FAM240A: variants seen among roughly 807,000 people sequenced by gnomAD.
FAM240A encodes the protein protein FAM240A.
Under a neutral mutation model 7.3 loss-of-function variants are expected in FAM240A, and 8 were observed. The observed-to-expected ratio is 1.09, with a 90% CI of 0.64 to 1.97. The LOEUF (loss-of-function observed/expected upper bound fraction) is 1.97, where lower values mean the gene tolerates loss of function less well. FAM240A is among the 30% of genes most tolerant of loss of function. The probability of loss-of-function intolerance (pLI) is 0.00; values close to 1 mark genes in which losing one functional copy is unlikely to be tolerated. For missense variants in FAM240A, 90 were observed against 102.2 expected (o/e 0.88, Z 0.52); for synonymous variants, 32 against 35.9 (o/e 0.89, Z 0.38).
At chr3:46,624,289 T>TTTTTTTTA (rs55757043) in intron 2 of FAM240A, among the ~76,000 whole-genome samples, 2 of 99,998 alleles carry the variant, frequency 2.0e-5, no homozygotes, top group African/African-American at 7.3e-5. Context: ...TTTTTTTTTT[T>TTTTTTTTA]GAGACAGAGT....
At chr3:46,621,577 T>C (rs1697695396) in intron 2 of FAM240A, among the ~76,000 whole-genome samples, 1 of 152,092 alleles carries the variant, frequency 6.6e-6, no homozygotes, top group Non-Finnish European at 1.5e-5. Context: ...CTGGGCAATA[T>C]AGCAAAACTC....
Position 46,612,698 on chromosome 3 carries a change from TGTAA to T in FAM240A, c.15+3_15+6del, listed in dbSNP as rs1262991178. The T allele has an allele frequency of 5.2e-6, 8 of 1,534,958 alleles. No homozygotes were observed. The highest frequency in any genetic ancestry group is 2.7e-5 in the African/African-American group (2 of 73,040). The stretch of plus-strand genomic sequence containing the variant: ...CACATCCCTTCATGCGGTTGTTCTC[TGTAA>T]GTGTTAATTAATTTGTTGATTTTGT... On this transcript the variant is annotated splice_donor_variant and splice_donor_region_variant and intron_variant, in intron 1 of 2. Coordinates refer to ENST00000640551, the MANE Select transcript of FAM240A (RefSeq NM_001195442.2). LOFTEE classifies it high-confidence loss of function.
intron 1 of FAM240A, 65 bp from the exon 2 acceptor site, chr3:46,617,118 A>G: frequency 5.8e-6 from 6 of 1,042,434 alleles, no homozygotes; most frequent in Non-Finnish European, 8.2e-6. Context: ...TTCCCTGATG[A>G]TGAGTGATGT....
intron 1 of FAM240A, among the ~76,000 whole-genome samples, chr3:46,615,935 A>T (rs1344276318): frequency 6.6e-6 from 1 of 152,162 alleles, no homozygotes; most frequent in African/African-American, 2.4e-5. Context: ...CCCTTTAGTA[A>T]AGGGCCTGGA....
chr3:46,618,951 G>T (rs911264502), intron 2 of FAM240A, among the ~76,000 whole-genome samples: 3 of 147,444 alleles, frequency 2.0e-5, no homozygotes, highest in Non-Finnish European at 3.0e-5. Context: ...TATAATAAAA[G>T]AATGCAAGAA....
chr3:46,622,191 C>T (rs1030935770), intron 2 of FAM240A, among the ~76,000 whole-genome samples: 2 of 149,456 alleles, frequency 1.3e-5, no homozygotes, highest in Admixed American at 6.7e-5. Context: ...CTGCAAGCTC[C>T]ATCTCCCAGG....
At position 46,625,785 on chromosome 3, in the gene FAM240A, T is replaced by C. The variant is rs1353381154; in HGVS notation, c.*567T>C. On this transcript the variant is annotated 3_prime_UTR_variant, in exon 3 of 3. Coordinates refer to ENST00000640551, the MANE Select transcript of FAM240A (RefSeq NM_001195442.2). The stretch of plus-strand genomic sequence containing the variant: ...TTTAATTAGCTTTTTCAAAAGTATG[T>C]TTACCAAGAATAATATCAGAATAAT... The C allele has an allele frequency of 1.3e-5, 2 of 152,228 alleles. No individual in the cohort carries two copies. The highest frequency in any genetic ancestry group is 2.9e-5 in the Non-Finnish European group (2 of 68,040). The allele number at this position is 152,228 out of a possible 1,614,324, so 9.4% of individuals were successfully genotyped here.
In FAM240A at chr3:46,626,361, G is replaced by A. The variant is rs977323073; in HGVS notation, c.*1143G>A. The A allele has an allele frequency of 6.6e-6, 1 of 152,228 alleles. No individual in the cohort carries two copies. The highest frequency in any genetic ancestry group is 1.5e-5 in the Non-Finnish European group (1 of 68,062). The allele number at this position is 152,228 out of a possible 1,614,324, so 9.4% of individuals were successfully genotyped here. A position where few individuals can be genotyped will look rare whatever the true frequency, so the allele number is the denominator to read the frequency against. On this transcript the variant is annotated 3_prime_UTR_variant, in exon 3 of 3. Transcript: ENST00000640551. ...CCCCCAGCCATCCTTTGGAACATAG[G>A]TTGTACAGGGGATCAAAGCCTTCTG...
chr3:46,617,061 G>A lies in FAM240A; in HGVS notation c.16-122G>A, dbSNP rs1033231440. On this transcript the variant is annotated intron_variant, in intron 1 of 2. Transcript: ENST00000640551. ...TTAAACAGTCAAATTGGAGTAAGGT[G>A]GATTGGAGTAAGATGGTAGGTATCT... The A allele has an allele frequency of 1.5e-5, 10 of 647,386 alleles. No homozygotes were observed. The East Asian group carries it at 2.9e-4, about 19-fold the overall frequency. 40.1% of individuals were successfully genotyped at this position (647,386 alleles called of 1,614,324 possible). A position where few individuals can be genotyped will look rare whatever the true frequency, so the allele number is the denominator to read the frequency against.
At chr3:46,622,106 CTTTTTTTTTTT>C (rs1171256555) in intron 2 of FAM240A, among the ~76,000 whole-genome samples, 3 of 79,664 alleles carry the variant, frequency 3.8e-5, no homozygotes, top group East Asian at 6.1e-4. Flanking sequence ...AGAAAATTTT[CTTTTTTTTTTT>C]TTTTTTTTTT....
chr3:46,617,852 TC>T (rs1474208280), intron 2 of FAM240A, among the ~76,000 whole-genome samples: 1 of 152,280 alleles, frequency 6.6e-6, no homozygotes, highest in Admixed American at 6.5e-5. Context: ...AGGCGGGGTC[TC>T]CCCTTGTGTG....
At chr3:46,616,071 A>G (rs1697626365) in intron 1 of FAM240A, among the ~76,000 whole-genome samples, 1 of 152,256 alleles carries the variant, frequency 6.6e-6, no homozygotes, top group Non-Finnish European at 1.5e-5. Flanking sequence ...TTCCTGGTGC[A>G]TGTTCCTGCT....
At chr3:46,617,386 A>G in intron 2 of FAM240A, 58 bp downstream of exon 2, 1 of 1,413,474 alleles carries the variant, frequency 7.1e-7, no homozygotes, top group Non-Finnish European at 9.3e-7. Flanking sequence ...TACATCGTAT[A>G]ATTTAGAACA....
At chr3:46,620,093 C>T (rs146237271) in intron 2 of FAM240A, among the ~76,000 whole-genome samples, 27 of 152,064 alleles carry the variant, frequency 1.8e-4, no homozygotes, top group Admixed American at 3.3e-4. Flanking sequence ...CTTTGATCCC[C>T]ACCCCCATCA....
rs1219672652 is a variant in FAM240A, at chr3:46,617,171, T to G, written c.16-12T>G. On this transcript the variant is annotated splice_polypyrimidine_tract_variant and intron_variant, in intron 1 of 2. Coordinates refer to ENST00000640551, the MANE Select transcript of FAM240A (RefSeq NM_001195442.2). ...GTTTTTTGGTTATTTGTATGGCTAT[T>G]TTCCTTTTTAGGGGATGAACAATCA... is the stretch of plus-strand genomic sequence containing the variant. The G allele has an allele frequency of 1.1e-5, 17 of 1,511,440 alleles. No individual in the cohort carries two copies. The highest frequency in any genetic ancestry group is 4.3e-5 in the Admixed American group (2 of 46,042). 93.6% of individuals were successfully genotyped at this position (1,511,440 alleles called of 1,614,324 possible). A position where few individuals can be genotyped will look rare whatever the true frequency, so the allele number is the denominator to read the frequency against.
intron 2 of FAM240A, among the ~76,000 whole-genome samples, chr3:46,622,150 T>C (rs947873943): frequency 2.7e-5 from 4 of 146,828 alleles, no homozygotes; most frequent in Non-Finnish European, 6.0e-5. Context: ...TCTCACTCTG[T>C]CGCCCAGTGC....
chr3:46,618,918 C>CAT (rs35337669), intron 2 of FAM240A, among the ~76,000 whole-genome samples: 1 of 115,968 alleles, frequency 8.6e-6, no homozygotes, highest in African/African-American at 3.5e-5. Flanking sequence ...CACACACACA[C>CAT]ATATGCAGTA....
At chr3:46,623,376 G>A (rs137984784) in intron 2 of FAM240A, among the ~76,000 whole-genome samples, 145 of 152,176 alleles carry the variant, frequency 9.5e-4, no homozygotes, top group South Asian at 6.0e-3. Flanking sequence ...GTGTTCTGCC[G>A]TTGTTAGGGA....
At chr3:46,615,442 C>T (rs1466643771) in intron 1 of FAM240A, among the ~76,000 whole-genome samples, 6 of 152,172 alleles carry the variant, frequency 3.9e-5, no homozygotes, top group Admixed American at 3.3e-4. Context: ...GTCCACTCTT[C>T]ATCATCTTTG....
Sources: gnomAD v4.1 joint callset for allele counts (sites outside exome capture counted in the v4.1 genomes callset) on GRCh38, gnomAD v4.1.1 for gene constraint, MANE v1.5 for transcripts, NCBI Gene and HGNC (gene_info 2026-07-23, HGNC 2026-07-21) for gene names.